FHAD1: variants seen among roughly 807,000 people sequenced by gnomAD.
FHAD1 encodes the protein forkhead-associated domain-containing protein 1.
A neutral mutation model predicts 191.3 loss-of-function variants in FHAD1; 146 were observed. The ratio of observed to expected loss-of-function variants is 0.76; its 90% CI spans 0.67 to 0.88. The LOEUF (loss-of-function observed/expected upper bound fraction) is 0.88, where lower values mean the gene tolerates loss of function less well. FHAD1 is among the 40% of genes least tolerant of loss of function. The pLI, the probability that FHAD1 is intolerant of heterozygous loss-of-function variation, is 0.00. For missense variants in FHAD1, 1,635 were observed against 1,785.8 expected (o/e 0.92, Z 1.52); for synonymous variants, 616 against 672.3 (o/e 0.92, Z 1.29).
intron 33 of FHAD1, 133 bp downstream of exon 33, chr1:15,391,396 T>C: frequency 2.3e-6 from 1 of 430,982 alleles, no homozygotes; most frequent in Non-Finnish European, 4.0e-6. Context: ...GGTTTCACTG[T>C]GTTAGCCAGG....
At position 15,272,464 on chromosome 1, in the gene FHAD1, G is replaced by A; in HGVS notation, c.235G>A (p.Gly79Arg). 6.4e-7 allele frequency: 1 copy of A among 1,551,278 alleles called. No individual in the cohort carries two copies. Among genetic ancestry groups the A allele is most frequent in the Non-Finnish European group, 8.7e-7 (1 of 1,146,988 alleles). ...AAACGTGGCTGTGAAGCTCATCCCTGGAGACATCCTGAGATTTGGGTCTGC... is the reference window on the plus strand; with the variant it reads ...AAACGTGGCTGTGAAGCTCATCCCTAGAGACATCCTGAGATTTGGGTCTGC... ...IQNVAVKLIP[G>R]DILRFGSAGL... The change falls in exon 3 of 34, where the codon GGA (glycine) becomes AGA (arginine). Residue 79 changes from glycine to arginine, a missense_variant. Coordinates refer to ENST00000688493, the MANE Select transcript of FHAD1 (RefSeq NM_001391957.1).
Position 15,375,629 on chromosome 1 carries a change from T to C in FHAD1, c.3604T>C (p.Phe1202Leu), listed in dbSNP as rs1699373325. 1.3e-6 allele frequency: 2 copies of C among 1,542,164 alleles called. No homozygotes were observed. The highest frequency in any genetic ancestry group is 1.2e-5 in the South Asian group (1 of 82,000). ...PDHKDHQNES[F>L]LDLKNLRMEN... ...TCATAAAGACCACCAGAATGAATCA[T>C]TTCTAGATTTAAAGAACCTCAGAAT... Residue 1202 changes from phenylalanine (F) to leucine (L), a missense_variant, in exon 28 of 34, where the codon TTT (phenylalanine) becomes CTT (leucine). Coordinates refer to ENST00000688493, the MANE Select transcript of FHAD1 (RefSeq NM_001391957.1).
intron 4 of FHAD1, among the ~76,000 whole-genome samples, chr1:15,292,864 A>C (rs1489230674): frequency 6.6e-6 from 1 of 152,162 alleles, no homozygotes; most frequent in Non-Finnish European, 1.5e-5. Flanking sequence ...CTGAGGCAGG[A>C]GGATCCCTTG....
chr1:15,382,325 T>G (rs1701108290), intron 31 of FHAD1, 132 bp downstream of exon 31: 3 of 889,502 alleles, frequency 3.4e-6, no homozygotes, highest in African/African-American at 1.7e-5. Context: ...GGCAACTGGA[T>G]AGCTTTTGCA....
chr1:15,270,687 T>A (rs1368607196), intron 2 of FHAD1, among the ~76,000 whole-genome samples: 1 of 152,134 alleles, frequency 6.6e-6, no homozygotes, highest in African/African-American at 2.4e-5. Context: ...GAAGATAAAC[T>A]TAGAAAATAG....
chr1:15,393,258 A>G (rs573524712), intron 33 of FHAD1: 2 of 152,102 alleles, frequency 1.3e-5, no homozygotes, highest in African/African-American at 4.8e-5. Flanking sequence ...TATTTTTAGT[A>G]GAGACGGGGT....
intron 14 of FHAD1, among the ~76,000 whole-genome samples, chr1:15,333,119 T>G (rs555330552): frequency 6.6e-6 from 1 of 152,334 alleles, no homozygotes; most frequent in South Asian, 2.1e-4. Context: ...GAAAGTTCAG[T>G]AAGCAGGGCC....
At chr1:15,380,574 T>C in intron 28 of FHAD1, 127 bp from the exon 29 acceptor site, 1 of 694,974 alleles carries the variant, frequency 1.4e-6, no homozygotes, top group Middle Eastern at 2.7e-4. Context: ...GACGGAATGA[T>C]CAGGACGCGG....
At chr1:15,291,084 T>C (rs2100610406) in intron 4 of FHAD1, among the ~76,000 whole-genome samples, 1 of 151,086 alleles carries the variant, frequency 6.6e-6, no homozygotes, top group South Asian at 2.1e-4. Flanking sequence ...CCCACCTAAA[T>C]CTACCATTAA....
At chr1:15,323,128 A>G (rs1676934358) in intron 10 of FHAD1, among the ~76,000 whole-genome samples, 2 of 152,204 alleles carry the variant, frequency 1.3e-5, no homozygotes, top group Admixed American at 6.5e-5. Flanking sequence ...ACACTTAGGA[A>G]TTCTGGGAGA....
At chr1:15,258,944 G>A (rs1004509342) in intron 2 of FHAD1, among the ~76,000 whole-genome samples, 4 of 152,060 alleles carry the variant, frequency 2.6e-5, no homozygotes, top group African/African-American at 7.2e-5. Context: ...AAGCAGAACC[G>A]CCAGATCAGA....
intron 16 of FHAD1, among the ~76,000 whole-genome samples, chr1:15,343,543 T>C (rs1275522301): frequency 6.6e-6 from 1 of 152,164 alleles, no homozygotes; most frequent in Non-Finnish European, 1.5e-5. Flanking sequence ...TGTGTCCAGT[T>C]ACCCCAAAAC....
At chr1:15,290,391 T>C (rs1664158251) in intron 4 of FHAD1, among the ~76,000 whole-genome samples, 1 of 152,176 alleles carries the variant, frequency 6.6e-6, no homozygotes, top group Non-Finnish European at 1.5e-5. Flanking sequence ...AGTTCCTCCC[T>C]AGCCTATGGC....
chr1:15,296,636 G>T lies in FHAD1; in HGVS notation c.569-48G>T, dbSNP rs764686678. 66 of 1,465,042 alleles carry T rather than the reference G, an allele frequency of 4.5e-5. 1 individual carries two copies. In the South Asian group the frequency reaches 7.7e-4, roughly 17 times the overall value. The allele number at this position is 1,465,042 out of a possible 1,614,324, so 90.8% of individuals were successfully genotyped here. A position where few individuals can be genotyped will look rare whatever the true frequency, so the allele number is the denominator to read the frequency against. On this transcript the variant is annotated intron_variant, in intron 4 of 33. Transcript: ENST00000688493. ...ACGTGAACATCTTCTTCAGGCCTCA[G>T]GGAAACTCATGATGTCTTTTGTGCT...
At chr1:15,353,300 G>A (rs1488723500) in intron 20 of FHAD1, among the ~76,000 whole-genome samples, 5 of 152,200 alleles carry the variant, frequency 3.3e-5, no homozygotes, top group Admixed American at 3.3e-4. Context: ...TGGCTGGGAA[G>A]TGGAGGGACA....
At chr1:15,315,432 T>G (rs1477910161) in intron 8 of FHAD1, among the ~76,000 whole-genome samples, 1 of 152,048 alleles carries the variant, frequency 6.6e-6, no homozygotes, top group African/African-American at 2.4e-5. Flanking sequence ...GACATTCTCT[T>G]GTCTGTGCAC....
chr1:15,376,923 C>A (rs527512890), intron 28 of FHAD1, among the ~76,000 whole-genome samples: 1 of 152,264 alleles, frequency 6.6e-6, no homozygotes, highest in East Asian at 1.9e-4. Context: ...TACCTGCAGT[C>A]CTGGCTAGTC....
intron 2 of FHAD1, among the ~76,000 whole-genome samples, chr1:15,257,159 T>C (rs1393599819): frequency 6.6e-6 from 1 of 152,226 alleles, no homozygotes; most frequent in Non-Finnish European, 1.5e-5. Context: ...TGCGAGTCCA[T>C]GTGCCATGTC....
rs1699418192 is a variant in FHAD1 at position 15,375,832 on chromosome 1, G to C, written c.3705+102G>C. 5.4e-6 allele frequency: 7 copies of C among 1,289,486 alleles called. No individual in the cohort carries two copies. In the South Asian group the frequency reaches 1.1e-4, roughly 21 times the overall value. The allele number at this position is 1,289,486 out of a possible 1,614,324, so 79.9% of individuals were successfully genotyped here. ...CCTGGCACAGCCATACATGTCAGTG[G>C]TTTGGGGCTGGCTGCTGTCTATACT... On this transcript the variant is annotated intron_variant, in intron 28 of 33. Coordinates refer to ENST00000688493, the MANE Select transcript of FHAD1 (RefSeq NM_001391957.1).
Sources: gnomAD v4.1 joint callset for allele counts (sites outside exome capture counted in the v4.1 genomes callset) on GRCh38, gnomAD v4.1.1 for gene constraint, MANE v1.5 for transcripts, NCBI Gene and HGNC (gene_info 2026-07-23, HGNC 2026-07-21) for gene names.